CNRIP1: variants seen among roughly 807,000 people sequenced by gnomAD.
CNRIP1 encodes the protein CB1 cannabinoid receptor-interacting protein 1.
Under a neutral mutation model 15.2 loss-of-function variants are expected in CNRIP1, and 10 were observed. The ratio of observed to expected loss-of-function variants is 0.66; its 90% CI spans 0.41 to 1.12. The LOEUF is 1.12. Among genes scored for constraint, CNRIP1 ranks in the 50% most tolerant of loss-of-function variants. CNRIP1 has a pLI of 0.00. For missense variants in CNRIP1, 211 were observed against 214.7 expected (o/e 0.98, Z 0.11); for synonymous variants, 91 against 83.2 (o/e 1.09, Z -0.51).
intron 2 of CNRIP1, among the ~76,000 whole-genome samples, chr2:68,307,079 C>A (rs1671881217): frequency 6.6e-6 from 1 of 152,200 alleles, no homozygotes; most frequent in African/African-American, 2.4e-5. Flanking sequence ...ATCCCCTTCA[C>A]ATATACGTAT....
At chr2:68,294,503 C>G (rs919834913) in intron 2 of CNRIP1, among the ~76,000 whole-genome samples, 16 of 152,270 alleles carry the variant, frequency 1.1e-4, no homozygotes, top group African/African-American at 3.9e-4. Flanking sequence ...AACAAACCCC[C>G]ATGTTCATCC....
In CNRIP1 at chr2:68,317,252, C is replaced by G. The variant is rs757677696; in HGVS notation, c.235G>C (p.Asp79His). Reference sequence around the variant, plus strand: ...CCCGTATAAACAACTCTGTCCCCATCAGGCTCTTTAGACTTCAGTTCCAGT... The same window carrying G: ...CCCGTATAAACAACTCTGTCCCCATGAGGCTCTTTAGACTTCAGTTCCAGT... ...VPLELKSKEP[D>H]GDRVVYTGTY... Residue 79 changes from aspartate to histidine, a missense_variant, in exon 2 of 3, where the codon GAT (aspartate) becomes CAT (histidine). Transcript: ENST00000263655. 19 of 1,614,218 alleles carry G rather than the reference C, an allele frequency of 1.2e-5. No individual in the cohort carries two copies. The South Asian group carries it at 2.0e-4, about 17-fold the overall frequency.
At chr2:68,304,321 G>C (rs1350904812) in intron 2 of CNRIP1, among the ~76,000 whole-genome samples, 4 of 151,298 alleles carry the variant, frequency 2.6e-5, no homozygotes, top group Non-Finnish European at 5.9e-5. Flanking sequence ...AGAATTGCTT[G>C]AACCTAGGAG....
chr2:68,305,630 C>T (rs1001125059), intron 2 of CNRIP1, among the ~76,000 whole-genome samples: 2 of 151,208 alleles, frequency 1.3e-5, no homozygotes, highest in African/African-American at 2.4e-5. Context: ...CCCGTCTCTA[C>T]TAAAAATACA....
At chr2:68,292,952 G>C, downstream of CNRIP1, 1 of 885,408 alleles carries the variant, frequency 1.1e-6, no homozygotes, top group South Asian at 5.2e-5. Context: ...AGCTGGCCTA[G>C]AGCAGGGATT....
intron 2 of CNRIP1, among the ~76,000 whole-genome samples, chr2:68,311,572 G>C (rs1322133966): frequency 6.6e-6 from 1 of 151,936 alleles, no homozygotes; most frequent in African/African-American, 2.4e-5. Context: ...CCAGGAGTTC[G>C]AGACCAGCCT....
chr2:68,288,067 G>GCCA (rs1671075373), downstream of CNRIP1, among the ~76,000 whole-genome samples: 1 of 149,756 alleles, frequency 6.7e-6, no homozygotes, highest in Non-Finnish European at 1.5e-5. Context: ...GCAGCCGGCC[G>GCCA]GCCAGCCAGC....
At chr2:68,286,546 C>T (rs1003851976) in intron 2 of CNRIP1, among the ~76,000 whole-genome samples, 1 of 150,974 alleles carries the variant, frequency 6.6e-6, no homozygotes, top group Non-Finnish European at 1.5e-5. Flanking sequence ...CACAATGCTC[C>T]TTTGTTTAGT....
chr2:68,297,443 C>T (rs1671412726), intron 2 of CNRIP1, among the ~76,000 whole-genome samples: 1 of 151,874 alleles, frequency 6.6e-6, no homozygotes, highest in Admixed American at 6.6e-5. Context: ...GAGTGTGTGT[C>T]TGTAGTCCCA....
chr2:68,300,984 G>A (rs1671584426), intron 2 of CNRIP1, among the ~76,000 whole-genome samples: 1 of 152,154 alleles, frequency 6.6e-6, no homozygotes, highest in Admixed American at 6.5e-5. Context: ...CATATAAGGG[G>A]AAAAAGCCAC....
rs1038297058 is a variant in CNRIP1, at chr2:68,293,896, C to T, written c.461G>A (p.Ser154Asn). ...EYECKPNETR[S>N]LMWVNKESFL is the part of the protein sequence containing the mutation. ...GGACTCCTTGTTCACCCACATCAGA[C>T]TGCGTGTCTCGTTGGGCTTGCATTC... The change falls in exon 3 of 3, where the codon AGT (serine) becomes AAT (asparagine). Residue 154 changes from serine to asparagine, a missense_variant. Physicochemically the swap from Ser to Asn is conservative, Grantham distance 46 (BLOSUM62 1). Coordinates refer to ENST00000263655, the MANE Select transcript of CNRIP1 (RefSeq NM_015463.3). 2.5e-6 allele frequency: 4 copies of T among 1,614,076 alleles called. No individual in the cohort carries two copies. The highest frequency in any genetic ancestry group is 3.4e-6 in the Non-Finnish European group (4 of 1,179,962).
chr2:68,311,919 G>T (rs1459254468), intron 2 of CNRIP1, among the ~76,000 whole-genome samples: 2 of 151,288 alleles, frequency 1.3e-5, no homozygotes, highest in Admixed American at 1.3e-4. Flanking sequence ...TGAAATAAAT[G>T]ACTTCTAAGA....
Position 68,293,315 on chromosome 2 carries a change from G to A in CNRIP1, c.*547C>T. The A allele has an allele frequency of 1.0e-6, 1 of 986,000 alleles. No individual in the cohort carries two copies. Among genetic ancestry groups the A allele is most frequent in the Non-Finnish European group, 1.2e-6 (1 of 830,316 alleles). The allele number at this position is 986,000 out of a possible 1,614,324, so 61.1% of individuals were successfully genotyped here. Reference sequence around the variant, plus strand: ...AGTTTGTTACCATCCTTCCCTGAAAGAGCGGAGCTGTTTATAGGAAGCACA... The same window carrying A: ...AGTTTGTTACCATCCTTCCCTGAAAAAGCGGAGCTGTTTATAGGAAGCACA... On this transcript the variant is annotated 3_prime_UTR_variant, in exon 3 of 3. Coordinates refer to ENST00000263655, the MANE Select transcript of CNRIP1 (RefSeq NM_015463.3).
intron 2 of CNRIP1, among the ~76,000 whole-genome samples, chr2:68,301,049 A>G (rs1425085727): frequency 6.6e-6 from 1 of 152,236 alleles, no homozygotes; most frequent in Non-Finnish European, 1.5e-5. Flanking sequence ...AAATAATTTT[A>G]TGTAGCCAAT....
intron 2 of CNRIP1, among the ~76,000 whole-genome samples, chr2:68,306,172 C>A (rs896992653): frequency 8.8e-6 from 1 of 114,132 alleles, no homozygotes; most frequent in Non-Finnish European, 1.8e-5. Context: ...GTGGGTGGTA[C>A]GTAGTGGTAG....
intron 2 of CNRIP1, among the ~76,000 whole-genome samples, chr2:68,304,721 T>C (rs10204856): frequency 1.3e-5 from 2 of 151,844 alleles, no homozygotes; most frequent in South Asian, 4.2e-4. Context: ...CCAAGGTTCA[T>C]GCCATTCTCC....
intron 2 of CNRIP1, among the ~76,000 whole-genome samples, chr2:68,307,478 C>A (rs147850530): frequency 6.6e-6 from 1 of 152,146 alleles, no homozygotes; most frequent in East Asian, 1.9e-4. Flanking sequence ...TATGTCACCA[C>A]GCCTGGCTCA....
chr2:68,306,255 T>C (rs1558666320), intron 2 of CNRIP1, among the ~76,000 whole-genome samples: 2 of 149,742 alleles, frequency 1.3e-5, no homozygotes, highest in Non-Finnish European at 3.0e-5. Flanking sequence ...TGAGCTATGA[T>C]TGTGCTGCTG....
At chr2:68,318,294 C>T (rs2103698588) in intron 1 of CNRIP1, among the ~76,000 whole-genome samples, 1 of 152,250 alleles carries the variant, frequency 6.6e-6, no homozygotes, top group Middle Eastern at 3.4e-3. Flanking sequence ...CAAAGTCCTT[C>T]CACCCCCGCA....
Sources: allele counts gnomAD v4.1 joint callset (sites outside exome capture counted in the v4.1 genomes callset), GRCh38; gene constraint gnomAD v4.1.1; transcripts MANE v1.5; gene names NCBI Gene and HGNC (gene_info 2026-07-23, HGNC 2026-07-21).